The following KIF21A variants were observed in gnomAD, a reference collection of about 807,000 sequenced individuals.
The protein encoded by KIF21A is kinesin-like protein KIF21A.
Under a neutral mutation model 202.9 loss-of-function variants are expected in KIF21A, and 114 were observed. The observed-to-expected ratio is 0.56, with a 90% CI of 0.48 to 0.66. The LOEUF is 0.66. KIF21A is among the 30% of genes least tolerant of loss of function. The pLI is 0.00. For synonymous variants in KIF21A, 667 were observed against 670.8 expected, an observed-to-expected ratio of 0.99 and a Z score of 0.09; for missense variants, 1,677 against 1,994.9, an observed-to-expected ratio of 0.84 and a Z score of 3.04.
chr12:39,316,069 A>G, intron 29 of KIF21A, 99 bp from the exon 30 acceptor site: 2 of 819,636 alleles, frequency 2.4e-6, no homozygotes, highest in Admixed American at 3.5e-5. Flanking sequence ...AATAACAGAT[A>G]TATAGCAAAC....
chr12:39,329,554 G>T (rs1389102164), intron 24 of KIF21A, among the ~76,000 whole-genome samples: 1 of 151,654 alleles, frequency 6.6e-6, no homozygotes, highest in African/African-American at 2.4e-5. Context: ...ATAAAAAAAA[G>T]AAGAGGAAGA....
At chr12:39,438,481 A>G (rs1159046695) in intron 1 of KIF21A, among the ~76,000 whole-genome samples, 1 of 152,148 alleles carries the variant, frequency 6.6e-6, no homozygotes. Context: ...CACATTGCAA[A>G]TAAGTGCCAG....
chr12:39,440,551 C>T (rs1435002749), intron 1 of KIF21A, among the ~76,000 whole-genome samples: 1 of 152,054 alleles, frequency 6.6e-6, no homozygotes, highest in Non-Finnish European at 1.5e-5. Context: ...TACTTTTAGC[C>T]CAGAAATCAG....
At chr12:39,378,134 A>G (rs896896841) in intron 1 of KIF21A, among the ~76,000 whole-genome samples, 4 of 152,184 alleles carry the variant, frequency 2.6e-5, no homozygotes, top group Non-Finnish European at 4.4e-5. Flanking sequence ...CCTCAAGTAC[A>G]GTTCTGTAGT....
intron 1 of KIF21A, among the ~76,000 whole-genome samples, chr12:39,399,419 A>G (rs1463342535): frequency 6.6e-6 from 1 of 152,182 alleles, no homozygotes; most frequent in Non-Finnish European, 1.5e-5. Flanking sequence ...TTTGTAGTTA[A>G]TAAGTCTAGT....
chr12:39,315,321 G>A, intron 30 of KIF21A, 81 bp from the exon 31 acceptor site: 2 of 1,246,414 alleles, frequency 1.6e-6, no homozygotes, highest in East Asian at 2.3e-5. Flanking sequence ...AATGGTGAAA[G>A]GGAATGAGAC....
intron 8 of KIF21A, 30 bp from the exon 9 acceptor site, chr12:39,357,467 T>A (rs1364380725): frequency 6.4e-7 from 1 of 1,571,440 alleles, no homozygotes; most frequent in East Asian, 2.2e-5. Context: ...TCCTTGTTGG[T>A]TGAGGAGCCT....
At chr12:39,313,343 A>G (rs1944215720) in intron 31 of KIF21A, among the ~76,000 whole-genome samples, 1 of 151,906 alleles carries the variant, frequency 6.6e-6, no homozygotes, top group African/African-American at 2.4e-5. Context: ...ACTTAAAAAT[A>G]AATGTTCACC....
At chr12:39,429,197 A>G (rs1386986840) in intron 1 of KIF21A, among the ~76,000 whole-genome samples, 1 of 152,182 alleles carries the variant, frequency 6.6e-6, no homozygotes, top group Non-Finnish European at 1.5e-5. Context: ...ATAAATAAGT[A>G]TCCCCCATGT....
intron 1 of KIF21A, among the ~76,000 whole-genome samples, chr12:39,371,173 A>G (rs375096366): frequency 6.6e-6 from 1 of 152,218 alleles, no homozygotes; most frequent in East Asian, 1.9e-4. Context: ...GAATATTTTC[A>G]ATCCACAGTC....
intron 1 of KIF21A, among the ~76,000 whole-genome samples, chr12:39,410,732 T>C (rs1953015483): frequency 6.6e-6 from 1 of 152,166 alleles, no homozygotes; most frequent in Non-Finnish European, 1.5e-5. Flanking sequence ...CAAGTTTTTT[T>C]GCTGCCCACA....
intron 7 of KIF21A, among the ~76,000 whole-genome samples, chr12:39,359,655 G>GTGGTCCCCACACTTC (rs1329080593): frequency 6.6e-6 from 1 of 152,138 alleles, no homozygotes. Flanking sequence ...GCTGATTAGA[G>GTGGTCCCCACACTTC]AATAGAGCAA....
At chr12:39,328,356 C>G (rs571494244) in intron 24 of KIF21A, among the ~76,000 whole-genome samples, 2 of 152,196 alleles carry the variant, frequency 1.3e-5, no homozygotes, top group East Asian at 3.9e-4. Context: ...GTTTTTTGTT[C>G]TGGAGAAAGA....
chr12:39,337,096 A>C lies in KIF21A; in HGVS notation c.2418T>G (p.Asp806Glu). 6.4e-7 allele frequency: 1 copy of C among 1,572,808 alleles called. No individual in the cohort carries two copies. The highest frequency in any genetic ancestry group is 8.7e-7 in the Non-Finnish European group (1 of 1,144,458). ...TAACTGAGAGTTAAAATCCACTTAC[A>C]TCTCTTTTACGTTGATCCTTTTTCA... The part of the protein sequence containing the change: ...AQLKKDQRKR[D>E]HQLRLLEAQK... Residue 806 changes from aspartate to glutamate, a missense_variant and splice_region_variant, in exon 17 of 38, where the codon GAT (aspartate) becomes GAG (glutamate). By Grantham distance (45) the Asp-to-Glu change is conservative. Around this residue, in one of 3 missense-constraint regions of KIF21A, gnomAD observed 966 missense variants for 1,180.9 expected, o/e 0.82. Transcript: ENST00000361418.
intron 35 of KIF21A, 90 bp from the exon 36 acceptor site, chr12:39,303,225 G>A (rs1943136226): frequency 1.1e-5 from 12 of 1,059,526 alleles, no homozygotes; most frequent in Non-Finnish European, 1.7e-5. Flanking sequence ...ACACATGTAT[G>A]TTAATCAGAC....
chr12:39,307,724 G>A lies in KIF21A; in HGVS notation c.4283C>T (p.Ser1428Leu), dbSNP rs781392170. 5 of 1,613,810 alleles carry A rather than the reference G, an allele frequency of 3.1e-6. No individual in the cohort carries two copies. In the Middle Eastern group the frequency reaches 6.6e-4, roughly 213 times the overall value. ...SAKCIRTLTSSGQVTLGDACS... is the reference protein window; with the variant it reads ...SAKCIRTLTSLGQVTLGDACS... The stretch of plus-strand genomic sequence containing the variant: ...AGCATCTCCAAGAGTAACTTGACCT[G>A]AAGACCTTAAGAGATACAAACAAAG... Residue 1428 changes from serine to leucine, a missense_variant, in exon 34 of 38, where the codon TCA becomes TTA. Transcript: ENST00000361418.
intron 26 of KIF21A, among the ~76,000 whole-genome samples, chr12:39,323,225 AG>A (rs1186412225): frequency 6.6e-6 from 1 of 152,154 alleles, no homozygotes; most frequent in East Asian, 1.9e-4. Context: ...TCATATACCT[AG>A]TAAGTGGCAA....
chr12:39,399,602 A>T (rs755389944), intron 1 of KIF21A, among the ~76,000 whole-genome samples: 1 of 152,244 alleles, frequency 6.6e-6, no homozygotes, highest in African/African-American at 2.4e-5. Context: ...GACACTCTGT[A>T]TGCACGAGGT....
At chr12:39,330,647 C>G in intron 23 of KIF21A, 99 bp downstream of exon 23, 1 of 974,652 alleles carries the variant, frequency 1.0e-6, no homozygotes, top group South Asian at 1.3e-5. Context: ...AATATAGCAT[C>G]TATTCAGTCA....
Sources: gnomAD v4.1 joint callset for allele counts (sites outside exome capture counted in the v4.1 genomes callset) on GRCh38, gnomAD v4.1.1 for gene constraint, gnomAD v4.1.1 regional missense constraint, MANE v1.5 for transcripts, NCBI Gene and HGNC (gene_info 2026-07-23, HGNC 2026-07-21) for gene names.